The following VSTM4 variants were observed in gnomAD, a reference collection of about 807,000 sequenced individuals.
VSTM4 encodes the protein V-set and transmembrane domain containing 4.
In VSTM4, 20 loss-of-function variants were observed where a neutral mutation model predicts 36.4. The observed-to-expected ratio is 0.55, with a 90% confidence interval of 0.39 to 0.80. VSTM4 has a LOEUF of 0.80. Ranked by LOEUF, VSTM4 falls within the 30% of genes least tolerant of loss-of-function variation. The pLI is 0.00. For synonymous variants in VSTM4, 182 were observed against 173.9 expected (o/e 1.05, Z -0.37); for missense variants, 392 against 404.5 (o/e 0.97, Z 0.26).
At chr10:49,044,306 T>A (rs896182494) in intron 7 of VSTM4, among the ~76,000 whole-genome samples, 2 of 149,270 alleles carry the variant, frequency 1.3e-5, no homozygotes, top group African/African-American at 5.0e-5. Context: ...CCAGCTTGGG[T>A]GACAGAACAA....
intron 1 of VSTM4, among the ~76,000 whole-genome samples, chr10:49,110,077 C>A (rs1259733335): frequency 6.6e-6 from 1 of 152,162 alleles, no homozygotes; most frequent in Admixed American, 6.5e-5. Flanking sequence ...AGAGCAGCAA[C>A]GATGCAGCAG....
Position 49,064,751 on chromosome 10 carries a change from A to G in VSTM4, c.635-15T>C. The G allele has an allele frequency of 1.2e-6, 2 of 1,611,470 alleles. No homozygotes were observed. The highest frequency in any genetic ancestry group is 3.4e-5 in the Admixed American group (2 of 59,284). ...ATAATGTCTCACTGTGAAAGGAAAA[A>G]TAATAGAAGATGGTAAACCAATGCT... On this transcript the variant is annotated splice_polypyrimidine_tract_variant and intron_variant, in intron 4 of 7. Coordinates refer to ENST00000332853, the MANE Select transcript of VSTM4 (RefSeq NM_001031746.5).
At chr10:49,038,978 GACC>G (rs925579321) in intron 7 of VSTM4, among the ~76,000 whole-genome samples, 14 of 152,118 alleles carry the variant, frequency 9.2e-5, no homozygotes, top group African/African-American at 2.4e-4. Flanking sequence ...GGCCTCTCAG[GACC>G]ACCTGCAAGT....
intron 4 of VSTM4, 138 bp from the exon 5 acceptor site, chr10:49,064,874 T>C (rs1843945649): frequency 1.2e-6 from 1 of 843,140 alleles, no homozygotes; most frequent in South Asian, 1.7e-5. Flanking sequence ...AAGACTTGCA[T>C]TCTTCTGTTT....
rs1843102883 is a variant in VSTM4 at position 49,016,165 on chromosome 10, CA to C, written c.*3484del. On this transcript the variant is annotated 3_prime_UTR_variant, in exon 8 of 8. Coordinates refer to ENST00000332853, the MANE Select transcript of VSTM4 (RefSeq NM_001031746.5). ...TTGTTTTGCTTCCTGTTCTGGGAAGCAACTTTGATGCATACTGTATTCATAT... is the reference window on the plus strand; with the variant it reads ...TTGTTTTGCTTCCTGTTCTGGGAAGCACTTTGATGCATACTGTATTCATAT... The C allele has an allele frequency of 6.6e-6, 1 of 152,134 alleles. No homozygotes were observed. The highest frequency in any genetic ancestry group is 2.1e-4 in the South Asian group (1 of 4,828). The allele number at this position is 152,134 out of a possible 1,614,324, so 9.4% of individuals were successfully genotyped here.
chr10:49,076,097 T>C (rs1305867467), intron 4 of VSTM4, among the ~76,000 whole-genome samples: 1 of 152,110 alleles, frequency 6.6e-6, no homozygotes, highest in Admixed American at 6.5e-5. Flanking sequence ...ATGTGTCACC[T>C]CCCTCATTGT....
chr10:49,014,581 C>G lies in VSTM4; in HGVS notation c.*5069G>C, dbSNP rs566346176. ...CAGACCAGACACAGCTCAGCGCCCA[C>G]GTCTGTTAGCCTTAGGCACTGGGGA... On this transcript the variant is annotated 3_prime_UTR_variant, in exon 8 of 8. Coordinates refer to ENST00000332853, the MANE Select transcript of VSTM4 (RefSeq NM_001031746.5). The G allele has an allele frequency of 2.0e-5, 3 of 149,532 alleles. No individual in the cohort carries two copies. The highest frequency in any genetic ancestry group is 4.4e-5 in the Non-Finnish European group (3 of 67,530). 9.3% of individuals were successfully genotyped at this position (149,532 alleles called of 1,614,324 possible).
chr10:49,021,863 A>G (rs1232387887), intron 7 of VSTM4, among the ~76,000 whole-genome samples: 2 of 152,218 alleles, frequency 1.3e-5, no homozygotes, highest in African/African-American at 4.8e-5. Flanking sequence ...GGGAGGAGCT[A>G]TATGTGTACT....
chr10:49,086,659 C>T (rs1026874745), intron 2 of VSTM4, among the ~76,000 whole-genome samples: 1 of 152,164 alleles, frequency 6.6e-6, no homozygotes, highest in Non-Finnish European at 1.5e-5. Flanking sequence ...GGGGTAACAT[C>T]ATCATAGGTA....
rs947557817 is a variant in VSTM4 at position 49,093,962 on chromosome 10, T to G, written c.458-7939A>C. Among the ~76,000 whole-genome samples, 12 of 152,160 alleles carry G rather than the reference T, an allele frequency of 7.9e-5. 1 individual carries two copies. The highest frequency in any genetic ancestry group is 3.4e-3 in the Middle Eastern group (1 of 294). On this transcript the variant is annotated intron_variant, in intron 2 of 7. Transcript: ENST00000332853. ...TGGGGTTTCACCATGTTAGCCAGGATAGTCTTGATCTCCTGACCTCGCGAT... is the reference window on the plus strand; with the variant it reads ...TGGGGTTTCACCATGTTAGCCAGGAGAGTCTTGATCTCCTGACCTCGCGAT...
intron 3 of VSTM4, among the ~76,000 whole-genome samples, chr10:49,077,947 C>T (rs1279752349): frequency 6.6e-6 from 1 of 151,268 alleles, no homozygotes; most frequent in Admixed American, 6.6e-5. Context: ...CTCTAAAGAA[C>T]TCTAAAAACT....
In VSTM4 at chr10:49,108,947, G is replaced by A. The variant is rs1457319292; in HGVS notation, c.56-952C>T. ...CATGGTGTACCCTGGACTGCCCAGT[G>A]CGACCAGGCTGCCCGGTGCTCACAG... On this transcript the variant is annotated intron_variant, in intron 1 of 7. Transcript: ENST00000332853. 3.9e-5 allele frequency among the ~76,000 whole-genome samples: 6 copies of A among 152,260 alleles called. No homozygotes were observed. In the East Asian group the frequency reaches 9.7e-4, roughly 25 times the overall value.
chr10:49,052,470 T>G (rs1466857067), intron 5 of VSTM4, among the ~76,000 whole-genome samples: 4 of 151,762 alleles, frequency 2.6e-5, no homozygotes, highest in South Asian at 4.1e-4. Context: ...AGGATTTTCT[T>G]GATTTCTGCT....
intron 2 of VSTM4, among the ~76,000 whole-genome samples, chr10:49,090,462 T>C (rs1267787843): frequency 6.6e-6 from 1 of 152,202 alleles, no homozygotes; most frequent in Admixed American, 6.5e-5. Context: ...GACAGTCAGC[T>C]GGTGAGCCAG....
chr10:49,060,727 A>T (rs1177820513), intron 5 of VSTM4, among the ~76,000 whole-genome samples: 23 of 152,318 alleles, frequency 1.5e-4, no homozygotes, highest in Non-Finnish European at 8.8e-5. Context: ...TTCTGTGTTT[A>T]GTATCACTTT....
In VSTM4 at chr10:49,103,591, C is replaced by T. The variant is rs565556486; in HGVS notation, c.457+4003G>A. ...AAGAGCCAACACTCCTATGGCTCTT[C>T]TCAGAACTGGGAGTTATTTTTTAAA... On this transcript the variant is annotated intron_variant, in intron 2 of 7. Coordinates refer to ENST00000332853, the MANE Select transcript of VSTM4 (RefSeq NM_001031746.5). 490 of 1,437,360 alleles carry T rather than the reference C, an allele frequency of 3.4e-4. No homozygotes were observed. The Middle Eastern group carries it at 3.7e-3, about 11-fold the overall frequency. 89.0% of individuals were successfully genotyped at this position (1,437,360 alleles called of 1,614,324 possible). A position where few individuals can be genotyped will look rare whatever the true frequency, so the allele number is the denominator to read the frequency against.
At chr10:49,058,030 C>T (rs1843811967) in intron 5 of VSTM4, among the ~76,000 whole-genome samples, 2 of 152,134 alleles carry the variant, frequency 1.3e-5, no homozygotes, top group Non-Finnish European at 1.5e-5. Flanking sequence ...TTTGCTTTTG[C>T]AAATAGATGC....
chr10:49,033,743 C>T (rs545018860), intron 7 of VSTM4, among the ~76,000 whole-genome samples: 1 of 152,332 alleles, frequency 6.6e-6, no homozygotes, highest in South Asian at 2.1e-4. Context: ...ATTTACCTTC[C>T]TGTGCCTCCT....
chr10:49,111,842 G>GA (rs1343387490), intron 1 of VSTM4, among the ~76,000 whole-genome samples: 4 of 152,224 alleles, frequency 2.6e-5, no homozygotes, highest in African/African-American at 9.6e-5. Context: ...ATGCCACAGA[G>GA]AAAAGTGCAG....
Sources: allele counts gnomAD v4.1 joint callset (sites outside exome capture counted in the v4.1 genomes callset), GRCh38; gene constraint gnomAD v4.1.1; transcripts MANE v1.5; gene names NCBI Gene and HGNC (gene_info 2026-07-23, HGNC 2026-07-21).